Variants in MRC2 observed in about 807,000 individuals in gnomAD.
MRC2 encodes mannose receptor C-type 2, also known as C-type mannose receptor 2.
A neutral mutation model predicts 206.2 loss-of-function variants in MRC2; 84 were observed. That is an observed-to-expected ratio of 0.41 (90% CI 0.34 to 0.49). The LOEUF is 0.49. MRC2 is among the 20% of genes least tolerant of loss of function. MRC2 has a pLI of 0.31. For missense variants in MRC2, 1,676 were observed against 2,001.5 expected, an observed-to-expected ratio of 0.84 and a Z score of 3.10; for synonymous variants, 798 against 800.0, an observed-to-expected ratio of 1.00 and a Z score of 0.04.
Position 62,679,528 on chromosome 17 carries a change from AC to A in MRC2, c.2196-267del, listed in dbSNP as rs1460414640. On this transcript the variant is annotated intron_variant, in intron 13 of 29. Transcript: ENST00000303375. ...CCTGCAGAATCTTGCTGGACAGGGC[AC>A]CCCCACCCAAAAGGAACCCAAACAA... 6 of 292,786 alleles carry A rather than the reference AC, an allele frequency of 2.0e-5. No homozygotes were observed. In the East Asian group the frequency reaches 2.4e-4, roughly 12 times the overall value. 18.1% of individuals were successfully genotyped at this position (292,786 alleles called of 1,614,324 possible). A position where few individuals can be genotyped will look rare whatever the true frequency, so the allele number is the denominator to read the frequency against.
intron 1 of MRC2, among the ~76,000 whole-genome samples, chr17:62,656,774 A>T (rs538789935): frequency 6.6e-6 from 1 of 152,356 alleles, no homozygotes; most frequent in Non-Finnish European, 1.5e-5. Context: ...GCAGGAGCCC[A>T]GCTGGCTGCA....
At chr17:62,649,986 C>T (rs2088536746) in intron 1 of MRC2, among the ~76,000 whole-genome samples, 2 of 151,938 alleles carry the variant, frequency 1.3e-5, no homozygotes, top group South Asian at 4.2e-4. Context: ...CCTCCGCCTC[C>T]AGGGTTCAAG....
At position 62,671,733 on chromosome 17, in the gene MRC2, G is replaced by A. The variant is rs749243892; in HGVS notation, c.1202G>A (p.Arg401His). 1.2e-5 allele frequency: 19 copies of A among 1,613,056 alleles called. No homozygotes were observed. Among genetic ancestry groups the A allele is most frequent in the East Asian group, 1.1e-4 (5 of 44,876 alleles). ...TGCTACCGCCTGCAGGCCGAGAAGC[G>A]CAGCTGGCAGGAGTCCAAGAAGGCA... ...GHCYRLQAEK[R>H]SWQESKKACL... The change falls in exon 7 of 30, where the codon CGC becomes CAC. Residue 401 changes from arginine to histidine, a missense_variant. By Grantham distance (29) the Arg-to-His change is conservative. Transcript: ENST00000303375. This position sits in a 1 kb window ranked among gnomAD's most constrained non-coding sequence, Gnocchi z 4.5.
At chr17:62,628,253 C>T (rs532656410) in intron 1 of MRC2, among the ~76,000 whole-genome samples, 33 of 152,184 alleles carry the variant, frequency 2.2e-4, no homozygotes, top group South Asian at 1.9e-3. Flanking sequence ...CCACCCGGCG[C>T]CGGCCCGTCC....
chr17:62,659,594 A>C lies in MRC2; in HGVS notation c.119-4954A>C, dbSNP rs550171689. Among the ~76,000 whole-genome samples the C allele has an allele frequency of 1.5e-3, 224 of 152,168 alleles. 1 individual carries two copies. Among genetic ancestry groups the C allele is most frequent in the Non-Finnish European group, 2.1e-3 (146 of 67,990 alleles). ...CACATGAATTTTTGGAGGTTGACAC[A>C]TTCTGTTCATGGCAGGAGGGAAGGA... is the stretch of plus-strand genomic sequence containing the variant. On this transcript the variant is annotated intron_variant, in intron 1 of 29. Transcript: ENST00000303375.
In MRC2 at chr17:62,666,439, G is replaced by GC. The variant is rs1190504886; in HGVS notation, c.695-15dup. 2 of 1,613,770 alleles carry GC rather than the reference G, an allele frequency of 1.2e-6. No individual in the cohort carries two copies. The highest frequency in any genetic ancestry group is 1.7e-6 in the Non-Finnish European group (2 of 1,179,978). On this transcript the variant is annotated splice_polypyrimidine_tract_variant and intron_variant, in intron 3 of 29. Transcript: ENST00000303375. This position sits in a 1 kb window ranked among gnomAD's most constrained non-coding sequence, Gnocchi z 5.0. Reference sequence around the variant, plus strand: ...CCCTGGAGGGGGCCTGAAGGAGAGGGCTGTCGTGGTGGCAGGTAACGACTG... The same window carrying GC: ...CCCTGGAGGGGGCCTGAAGGAGAGGGCCTGTCGTGGTGGCAGGTAACGACTG...
chr17:62,678,299 G>A (rs751861941), intron 12 of MRC2, among the ~76,000 whole-genome samples: 1 of 152,190 alleles, frequency 6.6e-6, no homozygotes, highest in Non-Finnish European at 1.5e-5. Flanking sequence ...CAGGGGATGG[G>A]GCTCAGGGGC....
At chr17:62,647,058 A>T (rs2088496355) in intron 1 of MRC2, among the ~76,000 whole-genome samples, 1 of 152,196 alleles carries the variant, frequency 6.6e-6, no homozygotes, top group Non-Finnish European at 1.5e-5. Context: ...CCGGCATTGC[A>T]AATAAGCTCC....
At chr17:62,665,500 G>T (rs900433238) in intron 2 of MRC2, among the ~76,000 whole-genome samples, 17 of 151,944 alleles carry the variant, frequency 1.1e-4, no homozygotes, top group Admixed American at 1.1e-3. Context: ...ATACATGCTT[G>T]TAAAGTCTTC....
At chr17:62,663,965 T>C (rs952648145) in intron 1 of MRC2, among the ~76,000 whole-genome samples, 1 of 148,632 alleles carries the variant, frequency 6.7e-6, no homozygotes, top group Non-Finnish European at 1.5e-5. Flanking sequence ...TTGCTTTTTT[T>C]TTTTTTTTTT....
At chr17:62,653,361 ACCCCCACCCCCG>A (rs368773251) in intron 1 of MRC2, among the ~76,000 whole-genome samples, 30 of 151,320 alleles carry the variant, frequency 2.0e-4, no homozygotes, top group African/African-American at 4.1e-4. Flanking sequence ...AGCCCGCATT[ACCCCCACCCCCG>A]CCCCCACCCC....
intron 9 of MRC2, among the ~76,000 whole-genome samples, chr17:62,674,762 G>T (rs2088870399): frequency 6.6e-6 from 1 of 152,108 alleles, no homozygotes; most frequent in African/African-American, 2.4e-5. Context: ...GACTGAGGGT[G>T]TGAGGGGGTG....
rs1344402979 is a variant in MRC2 at position 62,676,461 on chromosome 17, C to T, written c.1764C>T (p.Asn588=). ...TCTGGACGGCCCTGCAGGACCTCAA[C>T]AGCACCGGCTCCTTCTTCTGGCTCA... ...EYFWTALQDL[N]STGSFFWLSG... The change falls in exon 11 of 30, where the codon AAC becomes AAT. Residue 588 remains asparagine (N), a synonymous_variant. Transcript: ENST00000303375. The T allele has an allele frequency of 1.2e-6, 2 of 1,613,586 alleles. No individual in the cohort carries two copies. The highest frequency in any genetic ancestry group is 1.3e-5 in the African/African-American group (1 of 74,926).
At position 62,675,976 on chromosome 17, in the gene MRC2, A is replaced by G. The variant is rs930918952; in HGVS notation, c.1685+71A>G. On this transcript the variant is annotated intron_variant, in intron 10 of 29. Transcript: ENST00000303375. This position sits in a 1 kb window ranked among gnomAD's most constrained non-coding sequence, Gnocchi z 4.1. Reference sequence around the variant, plus strand: ...GCCTATTGTGGTCCCTTCAGCAAACAGGGTAGCATCTGCCATCATGCCCAG... The same window carrying G: ...GCCTATTGTGGTCCCTTCAGCAAACGGGGTAGCATCTGCCATCATGCCCAG... 3.6e-5 allele frequency: 47 copies of G among 1,314,448 alleles called. No homozygotes were observed. Among genetic ancestry groups the G allele is most frequent in the Non-Finnish European group, 4.7e-5 (43 of 915,956 alleles). 81.4% of individuals were successfully genotyped at this position (1,314,448 alleles called of 1,614,324 possible). A position where few individuals can be genotyped will look rare whatever the true frequency, so the allele number is the denominator to read the frequency against.
chr17:62,664,009 G>C lies in MRC2; in HGVS notation c.119-539G>C, dbSNP rs1237852060. Among the ~76,000 whole-genome samples the C allele has an allele frequency of 6.8e-6, 1 of 147,902 alleles. No individual in the cohort carries two copies. Among genetic ancestry groups the C allele is most frequent in the Non-Finnish European group, 1.5e-5 (1 of 67,228 alleles). On this transcript the variant is annotated intron_variant, in intron 1 of 29. Transcript: ENST00000303375. The surrounding 1 kb of genome is among the most constrained non-coding windows in gnomAD (Gnocchi z 4.7). The stretch of plus-strand genomic sequence containing the variant: ...GAGTCTCGCTCTGTCGCCCAGGCTG[G>C]AGTGCAGTGGCGGGATCTCGGCTCA...
chr17:62,678,997 C>T (rs1041421989), intron 13 of MRC2, among the ~76,000 whole-genome samples: 16 of 152,138 alleles, frequency 1.1e-4, no homozygotes, highest in Non-Finnish European at 1.5e-4. Flanking sequence ...AGTGTTTCCC[C>T]TCACCTTACA....
intron 8 of MRC2, 127 bp from the exon 9 acceptor site, chr17:62,673,936 C>A: frequency 1.3e-6 from 1 of 743,584 alleles, no homozygotes; most frequent in South Asian, 1.8e-5. Context: ...ACAGCTGGGA[C>A]ACAGACATGT....
At chr17:62,644,366 C>G (rs970046306) in intron 1 of MRC2, among the ~76,000 whole-genome samples, 5 of 151,658 alleles carry the variant, frequency 3.3e-5, no homozygotes, top group Admixed American at 3.3e-4. Flanking sequence ...TTGCAGTGGG[C>G]CGAGATCACA....
intron 1 of MRC2, among the ~76,000 whole-genome samples, chr17:62,661,066 T>G (rs2088673537): frequency 6.6e-6 from 1 of 152,128 alleles, no homozygotes; most frequent in South Asian, 2.1e-4. Flanking sequence ...AAATGTGAAA[T>G]GCCAGGTAGA....
Sources: allele counts gnomAD v4.1 joint callset (sites outside exome capture counted in the v4.1 genomes callset), GRCh38; gene constraint gnomAD v4.1.1; non-coding constraint Gnocchi (gnomAD v3.1); transcripts MANE v1.5; gene names NCBI Gene and HGNC (gene_info 2026-07-23, HGNC 2026-07-21).